PCP4L1: variants seen among roughly 807,000 people sequenced by gnomAD.
The protein encoded by PCP4L1 is Purkinje cell protein 4 like 1.
A neutral mutation model predicts 9.6 loss-of-function variants in PCP4L1; 9 were observed. That is an observed-to-expected ratio of 0.94 (90% CI 0.57 to 1.64). The LOEUF is 1.64. Among genes scored for constraint, PCP4L1 ranks in the 40% most tolerant of loss-of-function variants. The pLI is 0.00. For synonymous variants in PCP4L1, 31 were observed against 28.2 expected (o/e 1.10, Z -0.31); for missense variants, 81 against 80.8 (o/e 1.00, Z -0.01).
Position 161,284,658 on chromosome 1 carries a change from G to A in PCP4L1, c.*177G>A. 2.5e-6 allele frequency: 2 copies of A among 810,150 alleles called. No individual in the cohort carries two copies. Among genetic ancestry groups the A allele is most frequent in the Non-Finnish European group, 3.9e-6 (2 of 517,868 alleles). The allele number at this position is 810,150 out of a possible 1,614,324, so 50.2% of individuals were successfully genotyped here. A position where few individuals can be genotyped will look rare whatever the true frequency, so the allele number is the denominator to read the frequency against. On this transcript the variant is annotated 3_prime_UTR_variant, in exon 3 of 3. Coordinates refer to ENST00000504449, the MANE Select transcript of PCP4L1 (RefSeq NM_001102566.2). Reference sequence around the variant, plus strand: ...ACAGAAGTAGAGGCACAAGAGAGGTGGAGAAGATGAAGACTTCAATCAGCA... The same window carrying A: ...ACAGAAGTAGAGGCACAAGAGAGGTAGAGAAGATGAAGACTTCAATCAGCA...
intron 1 of PCP4L1, among the ~76,000 whole-genome samples, chr1:161,262,153 G>C (rs372556869): frequency 2.6e-5 from 4 of 151,852 alleles, no homozygotes; most frequent in Admixed American, 6.6e-5. Context: ...GCCTTCTACC[G>C]GCCAGGCGCG....
At chr1:161,269,855 C>T (rs905434941) in intron 1 of PCP4L1, among the ~76,000 whole-genome samples, 2 of 151,548 alleles carry the variant, frequency 1.3e-5, no homozygotes, top group Admixed American at 6.6e-5. Flanking sequence ...AAATATTAGC[C>T]GGGTGTAGTG....
chr1:161,262,684 G>A (rs182866748), intron 1 of PCP4L1, among the ~76,000 whole-genome samples: 78 of 152,222 alleles, frequency 5.1e-4, no homozygotes, highest in African/African-American at 1.8e-3. Context: ...TCTTTATAGG[G>A]TCAGGCAGCC....
intron 1 of PCP4L1, among the ~76,000 whole-genome samples, chr1:161,271,489 G>A (rs1669625028): frequency 6.6e-6 from 1 of 151,974 alleles, no homozygotes; most frequent in African/African-American, 2.4e-5. Flanking sequence ...CTTCTAGTCT[G>A]TACTTTGTTT....
At position 161,284,523 on chromosome 1, in the gene PCP4L1, C is replaced by G; in HGVS notation, c.*42C>G. ...TTCACCTTCACCTTCATGCTGGTCC[C>G]TTCTCTCCCCTTCTCCACACCCATG... On this transcript the variant is annotated 3_prime_UTR_variant, in exon 3 of 3. Transcript: ENST00000504449. 7 of 1,588,740 alleles carry G rather than the reference C, an allele frequency of 4.4e-6. No homozygotes were observed. Among genetic ancestry groups the G allele is most frequent in the Non-Finnish European group, 6.0e-6 (7 of 1,167,130 alleles).
At chr1:161,263,944 C>T (rs1429474360) in intron 1 of PCP4L1, among the ~76,000 whole-genome samples, 2 of 112,892 alleles carry the variant, frequency 1.8e-5, no homozygotes, top group African/African-American at 6.9e-5. Context: ...GAGTCTCACT[C>T]TGTCGCCCAA....
At position 161,284,445 on chromosome 1, in the gene PCP4L1, G is replaced by T. The variant is rs759506361; in HGVS notation, c.171G>T (p.Arg57=). 1 of 1,613,944 alleles carries T rather than the reference G, an allele frequency of 6.2e-7. No individual in the cohort carries two copies. The highest frequency in any genetic ancestry group is 1.7e-5 in the Admixed American group (1 of 60,016). Residue 57 remains arginine, a synonymous_variant, in exon 3 of 3, where the codon CGG becomes CGT. Coordinates refer to ENST00000504449, the MANE Select transcript of PCP4L1 (RefSeq NM_001102566.2). The stretch of plus-strand genomic sequence containing the variant: ...CCCTTGCTATTCAGGGCAAGTTCCG[G>T]CGATTTCAGAAAAGGAAAAAGGATC... ...KAALAIQGKF[R]RFQKRKKDPS... is the part of the protein sequence containing the mutation.
At chr1:161,283,008 C>T (rs6427584) in intron 1 of PCP4L1, among the ~76,000 whole-genome samples, 69,643 of 151,904 alleles carry the variant, frequency 0.46, 16,371 homozygotes, top group East Asian at 0.64. Flanking sequence ...TCCAGCAACT[C>T]CTCATCTCAC....
At position 161,284,579 on chromosome 1, in the gene PCP4L1, C is replaced by G. The variant is rs1669877243; in HGVS notation, c.*98C>G. 6.7e-7 allele frequency: 1 copy of G among 1,490,908 alleles called. No homozygotes were observed. Among genetic ancestry groups the G allele is most frequent in the Non-Finnish European group, 9.0e-7 (1 of 1,109,670 alleles). The allele number at this position is 1,490,908 out of a possible 1,614,324, so 92.4% of individuals were successfully genotyped here. On this transcript the variant is annotated 3_prime_UTR_variant, in exon 3 of 3. Transcript: ENST00000504449. Reference sequence around the variant, plus strand: ...TTATCCCTTGTCCCTCTAGCCTTTCCTTGAGGCAAGTTCAACCTTTATATA... The same window carrying G: ...TTATCCCTTGTCCCTCTAGCCTTTCGTTGAGGCAAGTTCAACCTTTATATA...
chr1:161,261,496 C>A (rs1669416328), intron 1 of PCP4L1, among the ~76,000 whole-genome samples: 1 of 152,226 alleles, frequency 6.6e-6, no homozygotes, highest in Non-Finnish European at 1.5e-5. Context: ...GACTTGATTG[C>A]TGTGGATCAC....
intron 2 of PCP4L1, 45 bp downstream of exon 2, chr1:161,283,767 G>C: frequency 6.5e-7 from 1 of 1,545,786 alleles, no homozygotes; most frequent in Non-Finnish European, 8.8e-7. Context: ...GGTGACTGTA[G>C]AGACATAAAG....
In PCP4L1 at chr1:161,258,940, G is replaced by T. The variant is rs1207952910; in HGVS notation, c.-35G>T. On this transcript the variant is annotated 5_prime_UTR_variant, in exon 1 of 3. Transcript: ENST00000504449. Reference sequence around the variant, plus strand: ...CGAGGGCCACTCGCCTCACCTGTGCGTGCAGCGCCTCGCGCGCCCTGTCCG... The same window carrying T: ...CGAGGGCCACTCGCCTCACCTGTGCTTGCAGCGCCTCGCGCGCCCTGTCCG... The T allele has an allele frequency of 6.5e-7, 1 of 1,534,902 alleles. No homozygotes were observed. The highest frequency in any genetic ancestry group is 8.7e-7 in the Non-Finnish European group (1 of 1,146,180).
rs1669875812 is a variant in PCP4L1 at position 161,284,508 on chromosome 1, C to A, written c.*27C>A. The stretch of plus-strand genomic sequence containing the variant: ...TGGCCAGGCTTGCCCTTCACCTTCA[C>A]CTTCATGCTGGTCCCTTCTCTCCCC... On this transcript the variant is annotated 3_prime_UTR_variant, in exon 3 of 3. Coordinates refer to ENST00000504449, the MANE Select transcript of PCP4L1 (RefSeq NM_001102566.2). 3 of 1,605,162 alleles carry A rather than the reference C, an allele frequency of 1.9e-6. No individual in the cohort carries two copies. The East Asian group carries it at 6.7e-5, about 36-fold the overall frequency.
intron 1 of PCP4L1, among the ~76,000 whole-genome samples, chr1:161,262,327 G>T (rs991938771): frequency 6.6e-6 from 1 of 151,444 alleles, no homozygotes; most frequent in Non-Finnish European, 1.5e-5. Context: ...CCAGCTACTC[G>T]GGAGGCTGAG....
intron 1 of PCP4L1, among the ~76,000 whole-genome samples, chr1:161,274,868 G>A (rs1380351883): frequency 6.6e-6 from 1 of 152,206 alleles, no homozygotes; most frequent in Non-Finnish European, 1.5e-5. Context: ...TCAGTGGAAG[G>A]TAAAAGGGAA....
chr1:161,261,576 G>C (rs1669417575), intron 1 of PCP4L1, among the ~76,000 whole-genome samples: 1 of 152,252 alleles, frequency 6.6e-6, no homozygotes, highest in Non-Finnish European at 1.5e-5. Context: ...GATGTGTTCA[G>C]TCCCTGAGGG....
intron 1 of PCP4L1, among the ~76,000 whole-genome samples, chr1:161,269,326 T>C (rs1669584932): frequency 6.6e-6 from 1 of 152,202 alleles, no homozygotes; most frequent in South Asian, 2.1e-4. Context: ...AGAAGGTCTT[T>C]CCTTCATTCT....
At position 161,258,856 on chromosome 1, in the gene PCP4L1, G is replaced by A; in HGVS notation, c.-119G>A. On this transcript the variant is annotated 5_prime_UTR_variant, in exon 1 of 3. Coordinates refer to ENST00000504449, the MANE Select transcript of PCP4L1 (RefSeq NM_001102566.2). ...CTCTCCGCACTAACTCTCCTCTCCT[G>A]GTCAGCTGTAACCCCTGCCGCAGAG... 1 of 1,429,478 alleles carries A rather than the reference G, an allele frequency of 7.0e-7. No homozygotes were observed. The highest frequency in any genetic ancestry group is 9.5e-7 in the Non-Finnish European group (1 of 1,051,094). 88.5% of individuals were successfully genotyped at this position (1,429,478 alleles called of 1,614,324 possible).
chr1:161,262,358 C>T (rs909134401), intron 1 of PCP4L1, among the ~76,000 whole-genome samples: 14 of 139,108 alleles, frequency 1.0e-4, no homozygotes, highest in Non-Finnish European at 1.7e-4. Context: ...GGCATGAACC[C>T]GGGAGGCGGA....
Sources: gnomAD v4.1 joint callset for allele counts (sites outside exome capture counted in the v4.1 genomes callset) on GRCh38, gnomAD v4.1.1 for gene constraint, MANE v1.5 for transcripts, NCBI Gene and HGNC (gene_info 2026-07-23, HGNC 2026-07-21) for gene names.